The following PPM1L variants were observed in gnomAD, a reference collection of about 807,000 sequenced individuals.
PPM1L encodes protein phosphatase 1L.
A neutral mutation model predicts 31.4 loss-of-function variants in PPM1L; 13 were observed. The observed-to-expected ratio is 0.41, with a 90% confidence interval of 0.27 to 0.66. The LOEUF (loss-of-function observed/expected upper bound fraction) is 0.66. Ranked by LOEUF, PPM1L falls within the 30% of genes least tolerant of loss-of-function variation. The pLI is 0.29. For missense variants in PPM1L, 326 were observed against 453.7 expected, an observed-to-expected ratio of 0.72 and a Z score of 2.56; for synonymous variants, 184 against 175.4, an observed-to-expected ratio of 1.05 and a Z score of -0.39.
chr3:160,907,732 C>T (rs569040433), intron 1 of PPM1L, among the ~76,000 whole-genome samples: 3 of 152,152 alleles, frequency 2.0e-5, no homozygotes, highest in Non-Finnish European at 4.4e-5. Context: ...ACTATCACTA[C>T]CCCAAGCATG....
intron 2 of PPM1L, among the ~76,000 whole-genome samples, chr3:160,993,390 T>C (rs1236508654): frequency 6.6e-6 from 1 of 151,788 alleles, no homozygotes; most frequent in Non-Finnish European, 1.5e-5. Context: ...TTTGGGAGGG[T>C]TGGGGGAAGG....
rs1004910899 is a variant in PPM1L at position 160,813,208 on chromosome 3, C to T, written c.399+56501C>T. On this transcript the variant is annotated intron_variant, in intron 1 of 3. Coordinates refer to ENST00000498165, the MANE Select transcript of PPM1L (RefSeq NM_139245.4). ...TTAGAAAATTCAATTTTACATCCCC[C>T]AAATTATGGAGAGGCAATTAGCTTT... 2.0e-4 allele frequency among the ~76,000 whole-genome samples: 31 copies of T among 152,044 alleles called. 1 individual carries two copies. The highest frequency in any genetic ancestry group is 4.2e-4 in the South Asian group (2 of 4,786).
At chr3:161,011,417 T>C (rs1717890477) in intron 2 of PPM1L, among the ~76,000 whole-genome samples, 1 of 152,218 alleles carries the variant, frequency 6.6e-6, no homozygotes, top group South Asian at 2.1e-4. Flanking sequence ...TTGGTTACTG[T>C]AGCCTTGTAG....
At chr3:160,944,813 T>TATATGTTTTATATATAACATATATAAC (rs1482095270) in intron 1 of PPM1L, among the ~76,000 whole-genome samples, 20 of 15,558 alleles carry the variant, frequency 1.3e-3, no homozygotes, top group African/African-American at 3.6e-3. Context: ...ATATATAACA[T>TATATGTTTTATATATAACATATATAAC]ATATATGTTA....
At position 160,978,563 on chromosome 3, in the gene PPM1L, C is replaced by T. The variant is rs182219551; in HGVS notation, c.574+16653C>T. Reference sequence around the variant, plus strand: ...AAAAGCTGAGGGCCAGGCACAGTGGCTCATGCCTGTACTACCAACACTTTG... The same window carrying T: ...AAAAGCTGAGGGCCAGGCACAGTGGTTCATGCCTGTACTACCAACACTTTG... On this transcript the variant is annotated intron_variant, in intron 2 of 3. Coordinates refer to ENST00000498165, the MANE Select transcript of PPM1L (RefSeq NM_139245.4). Among the ~76,000 whole-genome samples, 101 of 152,298 alleles carry T rather than the reference C, an allele frequency of 6.6e-4. 1 individual carries two copies. Among genetic ancestry groups the T allele is most frequent in the Admixed American group, 6.1e-3 (94 of 15,290 alleles).
chr3:160,819,608 G>A (rs995196522), intron 1 of PPM1L, among the ~76,000 whole-genome samples: 1 of 151,998 alleles, frequency 6.6e-6, no homozygotes, highest in Non-Finnish European at 1.5e-5. Flanking sequence ...GTATCCTACA[G>A]CAATGAAAAA....
At chr3:160,999,015 C>T (rs1717404573) in intron 2 of PPM1L, among the ~76,000 whole-genome samples, 1 of 152,132 alleles carries the variant, frequency 6.6e-6, no homozygotes, top group Admixed American at 6.5e-5. Flanking sequence ...GTTAAGGCTA[C>T]TCAGAGGATA....
intron 2 of PPM1L, among the ~76,000 whole-genome samples, chr3:160,974,878 T>G (rs978594266): frequency 6.7e-6 from 1 of 148,816 alleles, no homozygotes; most frequent in East Asian, 2.0e-4. Flanking sequence ...TTAGTTTAAT[T>G]AGATCCCATT....
At chr3:160,812,572 C>T (rs55905728) in intron 1 of PPM1L, among the ~76,000 whole-genome samples, 13,936 of 152,148 alleles carry the variant, frequency 0.092, 980 homozygotes, top group African/African-American at 0.19. Context: ...TGTGTAGTTA[C>T]ACACTGCTTG....
intron 2 of PPM1L, among the ~76,000 whole-genome samples, chr3:161,032,088 T>G (rs1159911395): frequency 6.6e-6 from 1 of 152,190 alleles, no homozygotes; most frequent in Admixed American, 6.5e-5. Flanking sequence ...GAGACCATTT[T>G]AAAATTACTC....
chr3:160,967,882 C>T (rs1190260249), intron 2 of PPM1L, among the ~76,000 whole-genome samples: 1 of 152,020 alleles, frequency 6.6e-6, no homozygotes, highest in Non-Finnish European at 1.5e-5. Flanking sequence ...ATGAACAGGA[C>T]CTCATAGATG....
chr3:160,991,604 G>GTTAC (rs1468556095), intron 2 of PPM1L, among the ~76,000 whole-genome samples: 1 of 152,040 alleles, frequency 6.6e-6, no homozygotes, highest in Non-Finnish European at 1.5e-5. Flanking sequence ...TTAATCTAGA[G>GTTAC]TTACTATAAG....
chr3:160,855,255 C>A (rs1055812747), intron 1 of PPM1L, among the ~76,000 whole-genome samples: 1 of 152,062 alleles, frequency 6.6e-6, no homozygotes, highest in Admixed American at 6.6e-5. Context: ...AATATAAAAC[C>A]TAAAGCTATA....
intron 1 of PPM1L, among the ~76,000 whole-genome samples, chr3:160,764,572 TTC>T (rs979353092): frequency 6.6e-6 from 1 of 151,812 alleles, no homozygotes. Flanking sequence ...GTTCAAGCAA[TTC>T]TCCTGTCTCA....
In PPM1L at chr3:160,794,883, G is replaced by C. The variant is rs113250833; in HGVS notation, c.399+38176G>C. Among the ~76,000 whole-genome samples, 1,416 of 152,336 alleles carry C rather than the reference G, an allele frequency of 9.3e-3. 19 individuals carry two copies. The highest frequency in any genetic ancestry group is 0.031 in the African/African-American group (1,303 of 41,564). On this transcript the variant is annotated intron_variant, in intron 1 of 3. Transcript: ENST00000498165. ...CTGGGCTGCATGTGGCCCACGGGTAGAGGGTTGGACAAGCTTGCTTTAGAG... is the reference window on the plus strand; with the variant it reads ...CTGGGCTGCATGTGGCCCACGGGTACAGGGTTGGACAAGCTTGCTTTAGAG...
chr3:160,905,060 G>A (rs1411166588), intron 1 of PPM1L, among the ~76,000 whole-genome samples: 1 of 152,200 alleles, frequency 6.6e-6, no homozygotes, highest in Non-Finnish European at 1.5e-5. Context: ...TACTGGAGGA[G>A]GGACTGGCTG....
intron 1 of PPM1L, among the ~76,000 whole-genome samples, chr3:160,925,574 T>TA (rs1160552854): frequency 6.6e-6 from 1 of 152,164 alleles, no homozygotes; most frequent in African/African-American, 2.4e-5. Flanking sequence ...AACCCGCCAT[T>TA]ACTGGAAGTA....
rs559244773 is a variant in PPM1L at position 160,955,640 on chromosome 3, G to A, written c.400-6096G>A. On this transcript the variant is annotated intron_variant, in intron 1 of 3. Coordinates refer to ENST00000498165, the MANE Select transcript of PPM1L (RefSeq NM_139245.4). ...GACAGTCAATAAATTAGAATTGGCT[G>A]GCTAACAAGTTTTCTTTTTTTTTTT... Among the ~76,000 whole-genome samples the A allele has an allele frequency of 8.7e-5, 13 of 149,036 alleles. 1 individual carries two copies. The highest frequency in any genetic ancestry group is 4.3e-4 in the South Asian group (2 of 4,688).
chr3:160,826,947 A>G (rs569201974), intron 1 of PPM1L, among the ~76,000 whole-genome samples: 66 of 152,290 alleles, frequency 4.3e-4, no homozygotes, highest in African/African-American at 1.5e-3. Flanking sequence ...ATGAAATGAC[A>G]GTAATAGTGA....
Sources: allele counts gnomAD v4.1 joint callset (sites outside exome capture counted in the v4.1 genomes callset), GRCh38; gene constraint gnomAD v4.1.1; transcripts MANE v1.5; gene names NCBI Gene and HGNC (gene_info 2026-07-23, HGNC 2026-07-21).